MINDY2: variants seen among roughly 807,000 people sequenced by gnomAD.
MINDY2 encodes MINDY lysine 48 deubiquitinase 2, also known as ubiquitin carboxyl-terminal hydrolase MINDY-2.
In MINDY2, 52 loss-of-function variants were observed where a neutral mutation model predicts 68.2. The ratio of observed to expected loss-of-function variants is 0.76; its 90% CI spans 0.61 to 0.96. The LOEUF is 0.96. Ranked by LOEUF, MINDY2 falls within the 40% of genes least tolerant of loss-of-function variation. The pLI, the probability that MINDY2 is intolerant of heterozygous loss-of-function variation, is 0.00. For missense variants in MINDY2, 881 were observed against 773.4 expected (o/e 1.14, Z -1.65); for synonymous variants, 372 against 303.0 (o/e 1.23, Z -2.36).
At chr15:58,848,817 T>G (rs1029907631) in intron 7 of MINDY2, among the ~76,000 whole-genome samples, 3 of 152,240 alleles carry the variant, frequency 2.0e-5, no homozygotes, top group Admixed American at 6.5e-5. Context: ...AAAACAGTTC[T>G]GAAAGTCGTG....
chr15:58,844,354 TG>T, intron 6 of MINDY2, among the ~76,000 whole-genome samples: 1 of 151,162 alleles, frequency 6.6e-6, no homozygotes, highest in East Asian at 2.0e-4. Context: ...GAGACCATCC[TG>T]GCTAACACGG....
In MINDY2 at chr15:58,853,712, C is replaced by T. The variant is rs141643053; in HGVS notation, c.1738-770C>T. Among the ~76,000 whole-genome samples, 514 of 149,688 alleles carry T rather than the reference C, an allele frequency of 3.4e-3. 9 individuals carry two copies. Among genetic ancestry groups the T allele is most frequent in the African/African-American group, 0.012 (486 of 40,588 alleles). On this transcript the variant is annotated intron_variant, in intron 8 of 8. Coordinates refer to ENST00000559228, the MANE Select transcript of MINDY2 (RefSeq NM_001040450.3). ...GCGTGCACCTGTAGTCCCAGCTACT[C>T]GGGAGACTTGAGGCAGGAGAATCGC...
intron 4 of MINDY2, among the ~76,000 whole-genome samples, chr15:58,819,342 G>C (rs2030909054): frequency 6.6e-6 from 1 of 152,168 alleles, no homozygotes; most frequent in African/African-American, 2.4e-5. Context: ...CAGCTATGCA[G>C]GAGGCTGAGG....
chr15:58,777,615 GA>G lies in MINDY2; in HGVS notation c.840+5389del, dbSNP rs1191847231. 5.3e-5 allele frequency among the ~76,000 whole-genome samples: 8 copies of G among 149,984 alleles called. No individual in the cohort carries two copies. The South Asian group carries it at 6.4e-4, about 12-fold the overall frequency. On this transcript the variant is annotated intron_variant, in intron 1 of 8. Coordinates refer to ENST00000559228, the MANE Select transcript of MINDY2 (RefSeq NM_001040450.3). ...ATAATGAGACCCCATCTCTATAAAA[GA>G]AAAAAAAACTTTTTTTTAATTATAA... is the stretch of plus-strand genomic sequence containing the variant.
At chr15:58,787,565 T>C (rs1168998017) in intron 1 of MINDY2, among the ~76,000 whole-genome samples, 1 of 151,826 alleles carries the variant, frequency 6.6e-6, no homozygotes, top group Non-Finnish European at 1.5e-5. Context: ...TAGAACCTCC[T>C]CTCTACTAAA....
chr15:58,809,779 T>A (rs567180289), intron 3 of MINDY2, among the ~76,000 whole-genome samples: 1 of 152,330 alleles, frequency 6.6e-6, no homozygotes, highest in South Asian at 2.1e-4. Flanking sequence ...GGACTTTGTC[T>A]TGTTTTGTTT....
chr15:58,804,561 A>C (rs560156400), intron 3 of MINDY2, among the ~76,000 whole-genome samples: 17 of 152,154 alleles, frequency 1.1e-4, no homozygotes, highest in African/African-American at 4.1e-4. Context: ...TAATCCCAGC[A>C]CTTTGGGAGG....
chr15:58,849,835 A>C (rs2140864197), intron 7 of MINDY2, among the ~76,000 whole-genome samples: 1 of 152,204 alleles, frequency 6.6e-6, no homozygotes, highest in South Asian at 2.1e-4. Flanking sequence ...TCCACCTCCC[A>C]GGCTCAAGCA....
Position 58,831,916 on chromosome 15 carries a change from G to C in MINDY2, c.1368G>C (p.Lys456Asn), listed in dbSNP as rs2031747724. ...ATTTTAGCACCATGACCAAATACAA[G>C]GTATGATATAGAAATAGCTATTTAA... The part of the protein sequence containing the change: ...NNHFSTMTKY[K>N]GQLYLLVTDQ... The change falls in exon 6 of 9, where the codon AAG (lysine) becomes AAC (asparagine). Residue 456 changes from lysine (K) to asparagine (N), a missense_variant and splice_region_variant. Physicochemically the swap from Lys to Asn is moderately conservative, Grantham distance 94 (BLOSUM62 0). Transcript: ENST00000559228. The C allele has an allele frequency of 6.2e-7, 1 of 1,608,260 alleles. No individual in the cohort carries two copies. The highest frequency in any genetic ancestry group is 8.5e-7 in the Non-Finnish European group (1 of 1,178,088).
In MINDY2 at chr15:58,857,990, A is replaced by G. The variant is rs1344879753; in HGVS notation, c.*3380A>G. On this transcript the variant is annotated 3_prime_UTR_variant, in exon 9 of 9. Coordinates refer to ENST00000559228, the MANE Select transcript of MINDY2 (RefSeq NM_001040450.3). ...TAGTACATGATCAACACTTAAAAGT[A>G]CTTTACATATGTGTGTTTCTGAAGC... 1 of 152,264 alleles carries G rather than the reference A, an allele frequency of 6.6e-6. No individual in the cohort carries two copies. The highest frequency in any genetic ancestry group is 1.5e-5 in the Non-Finnish European group (1 of 68,040). 9.4% of individuals were successfully genotyped at this position (152,264 alleles called of 1,614,324 possible).
At position 58,771,886 on chromosome 15, in the gene MINDY2, C is replaced by G. The variant is rs547168026; in HGVS notation, c.491C>G (p.Pro164Arg). Reference protein sequence around the residue: ...AGGLSSSCSDPSPPGESPSLD... With the variant: ...AGGLSSSCSDRSPPGESPSLD... ...GGCCTCAGCAGCAGTTGCAGCGACCCGAGCCCTCCTGGGGAATCTCCGAGC... is the reference window on the plus strand; with the variant it reads ...GGCCTCAGCAGCAGTTGCAGCGACCGGAGCCCTCCTGGGGAATCTCCGAGC... Residue 164 changes from proline to arginine, a missense_variant, in exon 1 of 9, where the codon CCG becomes CGG. Physicochemically the swap from Pro to Arg is moderately radical, Grantham distance 103 (BLOSUM62 -2). Coordinates refer to ENST00000559228, the MANE Select transcript of MINDY2 (RefSeq NM_001040450.3). The G allele has an allele frequency of 3.9e-5, 61 of 1,570,952 alleles. No homozygotes were observed. The South Asian group carries it at 6.4e-4, about 16-fold the overall frequency.
intron 1 of MINDY2, 28 bp downstream of exon 1, chr15:58,772,263 C>T: frequency 6.2e-7 from 1 of 1,604,206 alleles, no homozygotes; most frequent in South Asian, 1.1e-5. Flanking sequence ...CTACTTCCTA[C>T]AGCTTTTGGG....
intron 6 of MINDY2, among the ~76,000 whole-genome samples, chr15:58,846,443 A>T (rs2032540447): frequency 6.6e-6 from 1 of 152,042 alleles, no homozygotes; most frequent in Non-Finnish European, 1.5e-5. Flanking sequence ...AATACAAAAA[A>T]TTAGCTGGGC....
chr15:58,828,495 C>T (rs1250491824), intron 5 of MINDY2, among the ~76,000 whole-genome samples: 1 of 151,616 alleles, frequency 6.6e-6, no homozygotes, highest in African/African-American at 2.4e-5. Context: ...ATCTTTAAGG[C>T]ATTCATCACT....
intron 2 of MINDY2, among the ~76,000 whole-genome samples, chr15:58,791,666 G>GTGTA (rs1555428868): frequency 4.0e-4 from 56 of 140,246 alleles, no homozygotes; most frequent in African/African-American, 1.4e-3. Context: ...GTGTGTATGT[G>GTGTA]TGTGTGTGTA....
chr15:58,854,462 G>A lies in MINDY2; in HGVS notation c.1738-20G>A, dbSNP rs1427699127. ...CTCAGAATAGTTAGAGTAATTTCTT[G>A]CTGTATATTTTTCTTAAAGCAGGGC... On this transcript the variant is annotated intron_variant, in intron 8 of 8. Coordinates refer to ENST00000559228, the MANE Select transcript of MINDY2 (RefSeq NM_001040450.3). The A allele has an allele frequency of 1.2e-6, 2 of 1,603,158 alleles. No homozygotes were observed. Among genetic ancestry groups the A allele is most frequent in the South Asian group, 1.1e-5 (1 of 89,080 alleles).
At chr15:58,814,794 C>CTTTTTTTTTTTTTTTTTTTTTTTATTT (rs34747262) in intron 4 of MINDY2, among the ~76,000 whole-genome samples, 1 of 129,868 alleles carries the variant, frequency 7.7e-6, no homozygotes, top group Non-Finnish European at 1.6e-5. Flanking sequence ...TTAATTTTAA[C>CTTTTTTTTTTTTTTTTTTTTTTTATTT]TTTTTTTTTT....
At position 58,771,934 on chromosome 15, in the gene MINDY2, C is replaced by T; in HGVS notation, c.539C>T (p.Ser180Phe). Residue 180 changes from serine to phenylalanine, a missense_variant, in exon 1 of 9, where the codon TCT (serine) becomes TTT (phenylalanine). By Grantham distance (155) the Ser-to-Phe change is radical. Coordinates refer to ENST00000559228, the MANE Select transcript of MINDY2 (RefSeq NM_001040450.3). ...AGCCTGGACTCTCTGGAGTCGTTCT[C>T]TAACCTGCATTCTTTTCCCAGTAGC... ...SPSLDSLESF[S>F]NLHSFPSSCE... 1 of 1,554,218 alleles carries T rather than the reference C, an allele frequency of 6.4e-7. No homozygotes were observed. Among genetic ancestry groups the T allele is most frequent in the Non-Finnish European group, 8.7e-7 (1 of 1,151,966 alleles).
intron 3 of MINDY2, among the ~76,000 whole-genome samples, chr15:58,806,547 T>C (rs1477767343): frequency 1.3e-5 from 2 of 151,988 alleles, no homozygotes; most frequent in Non-Finnish European, 2.9e-5. Context: ...TTATTAATCT[T>C]TATGAAGATA....
Sources: gnomAD v4.1 joint callset for allele counts (sites outside exome capture counted in the v4.1 genomes callset) on GRCh38, gnomAD v4.1.1 for gene constraint, MANE v1.5 for transcripts, NCBI Gene and HGNC (gene_info 2026-07-23, HGNC 2026-07-21) for gene names.